Variants in HEG1 observed in about 807,000 individuals in gnomAD.
The protein encoded by HEG1 is heart development protein with EGF like domains 1, also known as protein HEG homolog 1.
A neutral mutation model predicts 125.6 loss-of-function variants in HEG1; 56 were observed. The observed-to-expected ratio is 0.45, with a 90% confidence interval of 0.36 to 0.56. HEG1 has a LOEUF of 0.56. Among genes scored for constraint, HEG1 ranks in the 20% least tolerant of loss-of-function variants. The probability of loss-of-function intolerance (pLI) is 0.00; values close to 1 mark genes in which losing one functional copy is unlikely to be tolerated. For missense variants in HEG1, 1,523 were observed against 1,670.0 expected (o/e 0.91, Z 1.53); for synonymous variants, 644 against 668.5 (o/e 0.96, Z 0.57).
In HEG1 at chr3:125,013,966, A is replaced by G; in HGVS notation, c.1613T>C (p.Val538Ala). ...CCTTTGTTCAATAGCTGTGCCACGC[A>G]CTTGACCGTAGCTAATCCCAGCGAC... ...RSIAGISYGQ[V>A]RGTAIEQRTS... Residue 538 changes from valine (V) to alanine (A), a missense_variant, in exon 6 of 17, where the codon GTG becomes GCG. By Grantham distance (64) the Val-to-Ala change is moderately conservative (BLOSUM62 0). Transcript: ENST00000311127. 6.2e-7 allele frequency: 1 copy of G among 1,610,834 alleles called. No homozygotes were observed. The highest frequency in any genetic ancestry group is 8.5e-7 in the Non-Finnish European group (1 of 1,178,924).
At chr3:125,018,028 CAA>C (rs1298385379) in intron 5 of HEG1, among the ~76,000 whole-genome samples, 1 of 135,746 alleles carries the variant, frequency 7.4e-6, no homozygotes, top group African/African-American at 2.7e-5. Flanking sequence ...GACTCCATCT[CAA>C]AAAAAAAAAA....
At chr3:125,033,775 G>A (rs1298762139) in intron 1 of HEG1, among the ~76,000 whole-genome samples, 1 of 152,244 alleles carries the variant, frequency 6.6e-6, no homozygotes, top group African/African-American at 2.4e-5. Flanking sequence ...GAGGTGAGCA[G>A]TGGGCGAGCG....
intron 5 of HEG1, among the ~76,000 whole-genome samples, chr3:125,017,978 G>A (rs778156757): frequency 1.1e-4 from 17 of 152,010 alleles, no homozygotes; most frequent in Admixed American, 5.2e-4. Context: ...GCAGTGAGCC[G>A]GGATGGTGCC....
chr3:124,990,802 GACC>G lies in HEG1; in HGVS notation c.3715_3717del (p.Gly1239del), dbSNP rs1936820804. On this transcript the variant is annotated inframe_deletion, in exon 14 of 17. Transcript: ENST00000311127. ...GTACACTTACGGTTTCCACAGTTGAGACCACCAAGGCCAAATGGGCAACTGCAA... is the reference window on the plus strand; with the variant it reads ...GTACACTTACGGTTTCCACAGTTGAGACCAAGGCCAAATGGGCAACTGCAA... The G allele has an allele frequency of 1.9e-6, 3 of 1,563,426 alleles. No individual in the cohort carries two copies. The highest frequency in any genetic ancestry group is 2.6e-6 in the Non-Finnish European group (3 of 1,153,224).
At chr3:124,994,191 C>T (rs1579405230) in intron 12 of HEG1, among the ~76,000 whole-genome samples, 3 of 152,360 alleles carry the variant, frequency 2.0e-5, no homozygotes, top group Middle Eastern at 3.4e-3. Flanking sequence ...AGATCCCTCA[C>T]ATGTGCAGTT....
intron 14 of HEG1, among the ~76,000 whole-genome samples, chr3:124,980,868 T>C (rs565388515): frequency 6.6e-6 from 1 of 151,648 alleles, no homozygotes; most frequent in South Asian, 2.1e-4. Flanking sequence ...ATCCTTTTTT[T>C]TTTTTGAGAC....
rs1936332980 is a variant in HEG1, at chr3:124,967,318, C to T, written c.*3334G>A. ...ACTTGTCAGAAACCCAGGTCCTTGC[C>T]TTCCACTTCCTATACCAAAGCCACG... On this transcript the variant is annotated 3_prime_UTR_variant, in exon 17 of 17. Coordinates refer to ENST00000311127, the MANE Select transcript of HEG1 (RefSeq NM_020733.2). 1 of 152,150 alleles carries T rather than the reference C, an allele frequency of 6.6e-6. No individual in the cohort carries two copies. The highest frequency in any genetic ancestry group is 1.5e-5 in the Non-Finnish European group (1 of 68,038). 9.4% of individuals were successfully genotyped at this position (152,150 alleles called of 1,614,324 possible). A position where few individuals can be genotyped will look rare whatever the true frequency, so the allele number is the denominator to read the frequency against.
intron 2 of HEG1, 118 bp downstream of exon 2, chr3:125,029,077 G>T: frequency 8.8e-7 from 1 of 1,141,858 alleles, no homozygotes. Flanking sequence ...ACCCACCCCA[G>T]CCTAGGAACC....
intron 8 of HEG1, among the ~76,000 whole-genome samples, chr3:125,005,850 C>T (rs1442684589): frequency 1.3e-5 from 2 of 152,216 alleles, no homozygotes; most frequent in Admixed American, 1.3e-4. Flanking sequence ...CCAACTGAGT[C>T]ATGCCCACCA....
chr3:125,025,739 A>G (rs1299706310), intron 3 of HEG1, among the ~76,000 whole-genome samples: 2 of 152,252 alleles, frequency 1.3e-5, no homozygotes, highest in Non-Finnish European at 2.9e-5. Context: ...TCTACCGTTT[A>G]GTAAAGTTGT....
chr3:125,053,363 T>C (rs1209292894), intron 1 of HEG1, among the ~76,000 whole-genome samples: 2 of 152,214 alleles, frequency 1.3e-5, no homozygotes, highest in African/African-American at 4.8e-5. Flanking sequence ...TTATGTGTTG[T>C]TTCTTTTTTA....
chr3:125,038,065 G>T lies in HEG1; in HGVS notation c.317-8577C>A, dbSNP rs114569980. Among the ~76,000 whole-genome samples, 512 of 152,338 alleles carry T rather than the reference G, an allele frequency of 3.4e-3. 1 individual carries two copies. Among genetic ancestry groups the T allele is most frequent in the African/African-American group, 0.012 (479 of 41,570 alleles). The stretch of plus-strand genomic sequence containing the variant: ...TAGGGTTGTCAACTTTTAAGAAATA[G>T]ATTTGGGTGGATGACCTTGGCAGGC... On this transcript the variant is annotated intron_variant, in intron 1 of 16. Coordinates refer to ENST00000311127, the MANE Select transcript of HEG1 (RefSeq NM_020733.2).
At chr3:124,970,867 A>G in intron 16 of HEG1, 66 bp from the exon 17 acceptor site, 1 of 1,351,072 alleles carries the variant, frequency 7.4e-7, no homozygotes. Flanking sequence ...GCAGTGTTAA[A>G]TCCCAATGAT....
intron 8 of HEG1, among the ~76,000 whole-genome samples, chr3:125,007,022 AC>A (rs1937080103): frequency 6.6e-6 from 1 of 151,316 alleles, no homozygotes; most frequent in Non-Finnish European, 1.5e-5. Context: ...AAACGGTGAA[AC>A]CCCGTCTCTA....
chr3:124,979,420 C>T (rs1404951086), intron 14 of HEG1, among the ~76,000 whole-genome samples: 2 of 152,288 alleles, frequency 1.3e-5, no homozygotes, highest in African/African-American at 2.4e-5. Context: ...AATAGATACA[C>T]ATCAAATTTA....
rs1936991945 is a variant in HEG1, at chr3:125,001,070, A to C, written c.3517+782T>G. On this transcript the variant is annotated intron_variant, in intron 11 of 16. Transcript: ENST00000311127. ...TCTTCATTTGCCTCACACCAGAGGC[A>C]CTATAGAAGCTTTTGACAAAACAGA... Among the ~76,000 whole-genome samples the C allele has an allele frequency of 2.0e-5, 3 of 152,228 alleles. No homozygotes were observed. The South Asian group carries it at 6.2e-4, about 31-fold the overall frequency.
chr3:125,037,444 C>T (rs545062842), intron 1 of HEG1, among the ~76,000 whole-genome samples: 1 of 152,316 alleles, frequency 6.6e-6, no homozygotes, highest in African/African-American at 2.4e-5. Flanking sequence ...AGTGACATTT[C>T]TGAAACATAA....
At chr3:124,999,617 A>G (rs1024888833) in intron 11 of HEG1, among the ~76,000 whole-genome samples, 19 of 152,376 alleles carry the variant, frequency 1.2e-4, no homozygotes, top group Non-Finnish European at 2.5e-4. Context: ...AAGCAGATCC[A>G]TGCAAAAGCA....
intron 15 of HEG1, among the ~76,000 whole-genome samples, chr3:124,976,617 G>A (rs1488199418): frequency 1.3e-5 from 2 of 152,074 alleles, no homozygotes; most frequent in African/African-American, 4.8e-5. Flanking sequence ...CCACGATCGG[G>A]ATATAGTTTG....
Sources: allele counts gnomAD v4.1 joint callset (sites outside exome capture counted in the v4.1 genomes callset), GRCh38; gene constraint gnomAD v4.1.1; transcripts MANE v1.5; gene names NCBI Gene and HGNC (gene_info 2026-07-23, HGNC 2026-07-21).